The following STX8 variants were observed in gnomAD, a reference collection of about 807,000 sequenced individuals.
The protein encoded by STX8 is syntaxin-8.
STX8 carries 23 observed loss-of-function variants against 37.5 expected under a neutral mutation model. That is an observed-to-expected ratio of 0.61 (90% CI 0.44 to 0.87). The LOEUF (loss-of-function observed/expected upper bound fraction) is 0.87, where lower values mean the gene tolerates loss of function less well. Ranked by LOEUF, STX8 falls within the 40% of genes least tolerant of loss-of-function variation. STX8 has a pLI of 0.00. For missense variants in STX8, 313 were observed against 284.7 expected (o/e 1.10, Z -0.71); for synonymous variants, 115 against 99.1 (o/e 1.16, Z -0.95).
intron 7 of STX8, among the ~76,000 whole-genome samples, chr17:9,298,241 T>C (rs1264643797): frequency 1.3e-5 from 2 of 152,116 alleles, no homozygotes; most frequent in Non-Finnish European, 2.9e-5. Context: ...AGTAAAAGTG[T>C]CAGTGACTGA....
intron 6 of STX8, among the ~76,000 whole-genome samples, chr17:9,385,607 A>G (rs562796682): frequency 6.6e-6 from 1 of 152,348 alleles, no homozygotes; most frequent in East Asian, 1.9e-4. Context: ...TTCAACCAAA[A>G]TAAGATACTG....
At chr17:9,531,628 A>G (rs987241868) in intron 4 of STX8, among the ~76,000 whole-genome samples, 4 of 152,206 alleles carry the variant, frequency 2.6e-5, no homozygotes, top group African/African-American at 9.6e-5. Flanking sequence ...AAAATATAGC[A>G]TATACAGGGC....
chr17:9,470,709 A>T (rs922148078), intron 6 of STX8, among the ~76,000 whole-genome samples: 6 of 152,166 alleles, frequency 3.9e-5, no homozygotes, highest in Admixed American at 1.3e-4. Context: ...AAGCTAACAC[A>T]GCAGGCCTAA....
chr17:9,364,204 C>T (rs763041174), intron 7 of STX8, among the ~76,000 whole-genome samples: 26 of 152,090 alleles, frequency 1.7e-4, no homozygotes, highest in Non-Finnish European at 2.9e-4. Flanking sequence ...GAAAGGTCAG[C>T]GAGTCATACA....
In STX8 at chr17:9,274,744, C is replaced by CTTTTTTTTT. The variant is rs201550065; in HGVS notation, c.644-24100_644-24099insAAAAAAAAA. ...AAAGTCTTCAAAAATACAACAATTT[C>CTTTTTTTTT]TTTTTTCTTTTTTTTTTTTTTTTTT... is the stretch of plus-strand genomic sequence containing the variant. On this transcript the variant is annotated intron_variant, in intron 7 of 7. Transcript: ENST00000306357. 2.2e-4 allele frequency among the ~76,000 whole-genome samples: 20 copies of CTTTTTTTTT among 88,902 alleles called. 5 individuals are homozygous for CTTTTTTTTT. Among genetic ancestry groups the CTTTTTTTTT allele is most frequent in the East Asian group, 8.2e-4 (2 of 2,450 alleles). 58.3% of individuals were successfully genotyped at this position (88,902 alleles called of 152,430 possible).
chr17:9,327,274 G>A (rs1290892664), intron 7 of STX8, among the ~76,000 whole-genome samples: 40 of 147,854 alleles, frequency 2.7e-4, no homozygotes, highest in African/African-American at 9.7e-4. Flanking sequence ...GGAGGAAGGA[G>A]GAAGAAGGAA....
intron 7 of STX8, among the ~76,000 whole-genome samples, chr17:9,349,921 G>A (rs1461999021): frequency 6.6e-6 from 1 of 152,064 alleles, no homozygotes; most frequent in East Asian, 1.9e-4. Context: ...TTCTTTTGTA[G>A]AGATGGGGTC....
At chr17:9,362,828 C>CAAAAAAAAAAA (rs765809132) in intron 7 of STX8, among the ~76,000 whole-genome samples, 2 of 102,150 alleles carry the variant, frequency 2.0e-5, no homozygotes, top group Admixed American at 1.9e-4. Flanking sequence ...GACTCCGTCT[C>CAAAAAAAAAAA]AAAAAAAAAA....
chr17:9,330,385 G>C (rs1307522295), intron 7 of STX8, among the ~76,000 whole-genome samples: 2 of 152,110 alleles, frequency 1.3e-5, no homozygotes, highest in East Asian at 3.9e-4. Flanking sequence ...GAATCAAGTT[G>C]GGAGTGAGGT....
At chr17:9,304,386 C>T (rs567136623) in intron 7 of STX8, among the ~76,000 whole-genome samples, 1 of 150,886 alleles carries the variant, frequency 6.6e-6, no homozygotes, top group Admixed American at 6.6e-5. Context: ...ATTAGTCTGG[C>T]GTGGTGGCGC....
In STX8 at chr17:9,357,363, C is replaced by T. The variant is rs531323684; in HGVS notation, c.643+21189G>A. 9.9e-5 allele frequency among the ~76,000 whole-genome samples: 15 copies of T among 152,118 alleles called. No homozygotes were observed. The Middle Eastern group carries it at 0.01, about 103-fold the overall frequency. ...TTTTTCCTGATTGGCTCCCAACTGACGGAACCTCTCTGAGGGATTTAAAAA... is the reference window on the plus strand; with the variant it reads ...TTTTTCCTGATTGGCTCCCAACTGATGGAACCTCTCTGAGGGATTTAAAAA... On this transcript the variant is annotated intron_variant, in intron 7 of 7. Transcript: ENST00000306357.
chr17:9,296,797 G>A (rs1908569204), intron 7 of STX8, among the ~76,000 whole-genome samples: 1 of 152,194 alleles, frequency 6.6e-6, no homozygotes, highest in Non-Finnish European at 1.5e-5. Flanking sequence ...TAGCTGTACA[G>A]AGTAGGGGCT....
intron 6 of STX8, among the ~76,000 whole-genome samples, chr17:9,384,819 T>TGTGTGTGTGTGTGTGC (rs1911936020): frequency 6.6e-6 from 1 of 151,372 alleles, no homozygotes; most frequent in African/African-American, 2.4e-5. Context: ...TGTGTGTGTG[T>TGTGTGTGTGTGTGTGC]ACATGCACAC....
Position 9,489,303 on chromosome 17 carries a change from A to T in STX8, c.541+2526T>A, listed in dbSNP as rs116486842. ...AAAAAAATGAAAACAACAACAAAAAAGAAAACTAACACAGGTATGGCCTGG... is the reference window on the plus strand; with the variant it reads ...AAAAAAATGAAAACAACAACAAAAATGAAAACTAACACAGGTATGGCCTGG... On this transcript the variant is annotated intron_variant, in intron 6 of 7. Coordinates refer to ENST00000306357, the MANE Select transcript of STX8 (RefSeq NM_004853.3). 1.5e-3 allele frequency among the ~76,000 whole-genome samples: 228 copies of T among 152,340 alleles called. 1 individual carries two copies. Among genetic ancestry groups the T allele is most frequent in the African/African-American group, 5.3e-3 (222 of 41,576 alleles).
chr17:9,401,647 T>C (rs1912621455), intron 6 of STX8, among the ~76,000 whole-genome samples: 1 of 152,194 alleles, frequency 6.6e-6, no homozygotes, highest in South Asian at 2.1e-4. Flanking sequence ...AGACTAAATA[T>C]AGTCTGCATT....
intron 4 of STX8, among the ~76,000 whole-genome samples, chr17:9,532,647 C>T (rs1001875505): frequency 2.0e-5 from 3 of 152,030 alleles, no homozygotes; most frequent in African/African-American, 7.2e-5. Flanking sequence ...ATTTAAAAAA[C>T]ATTCTTCAAA....
chr17:9,432,403 A>G (rs77049673), intron 6 of STX8, among the ~76,000 whole-genome samples: 2 of 152,324 alleles, frequency 1.3e-5, no homozygotes, highest in East Asian at 3.9e-4. Context: ...TGCAGCTTAC[A>G]AACTAGAGCA....
chr17:9,484,697 C>T (rs1053434116), intron 6 of STX8, among the ~76,000 whole-genome samples: 22 of 150,166 alleles, frequency 1.5e-4, no homozygotes, highest in African/African-American at 3.9e-4. Flanking sequence ...CATGGTGGTG[C>T]GTGCCCGTAA....
chr17:9,305,752 T>TC (rs1244937271), intron 7 of STX8: 4 of 146,012 alleles, frequency 2.7e-5, no homozygotes, highest in Admixed American at 2.1e-4. Flanking sequence ...TTTTTTTTTT[T>TC]TTTTTTTTTT....
Sources: allele counts gnomAD v4.1 joint callset (sites outside exome capture counted in the v4.1 genomes callset), GRCh38; gene constraint gnomAD v4.1.1; transcripts MANE v1.5; gene names NCBI Gene and HGNC (gene_info 2026-07-23, HGNC 2026-07-21).